ATP8B1: variants seen among roughly 807,000 people sequenced by gnomAD.
ATP8B1 encodes ATPase phospholipid transporting 8B1, also known as phospholipid-transporting ATPase IC.
ATP8B1 carries 80 observed loss-of-function variants against 149.9 expected under a neutral mutation model. The observed-to-expected ratio is 0.53, with a 90% CI of 0.45 to 0.64. The LOEUF is 0.64. ATP8B1 is among the 30% of genes least tolerant of loss of function. ATP8B1 has a pLI of 0.00. For synonymous variants in ATP8B1, 536 were observed against 562.8 expected (o/e 0.95, Z 0.67); for missense variants, 1,247 against 1,552.6 (o/e 0.80, Z 3.31).
intron 13 of ATP8B1, among the ~76,000 whole-genome samples, 181 bp downstream of exon 13, chr18:57,688,118 A>G (rs1460021566): frequency 6.6e-6 from 1 of 152,104 alleles, no homozygotes; most frequent in Non-Finnish European, 1.5e-5. Context: ...TCTCCCACGC[A>G]TGTGTCCCCA....
intron 1 of ATP8B1, among the ~76,000 whole-genome samples, chr18:57,778,103 G>A (rs1288875951): frequency 2.0e-5 from 3 of 152,222 alleles, no homozygotes; most frequent in East Asian, 1.9e-4. Context: ...ACATGCAAGC[G>A]GCAACTTTAA....
At chr18:57,796,900 C>G (rs2080520773) in intron 1 of ATP8B1, among the ~76,000 whole-genome samples, 1 of 152,214 alleles carries the variant, frequency 6.6e-6, no homozygotes, top group African/African-American at 2.4e-5. Context: ...ATCTGCCTGC[C>G]TTGTCTTCCC....
chr18:57,727,591 C>T (rs1251438217), intron 2 of ATP8B1, among the ~76,000 whole-genome samples: 1 of 152,026 alleles, frequency 6.6e-6, no homozygotes, highest in Non-Finnish European at 1.5e-5. Context: ...GAGATCGAGA[C>T]CATCCTGGCC....
chr18:57,681,082 A>T (rs1217567314), intron 15 of ATP8B1, among the ~76,000 whole-genome samples: 2 of 152,186 alleles, frequency 1.3e-5, no homozygotes. Context: ...TAGATTATCC[A>T]GGTGTTCCTG....
intron 4 of ATP8B1, among the ~76,000 whole-genome samples, chr18:57,704,124 G>T (rs1486896138): frequency 6.6e-6 from 1 of 151,926 alleles, no homozygotes; most frequent in African/African-American, 2.4e-5. Flanking sequence ...GCACCATCAC[G>T]CCTGGCTAAT....
intron 13 of ATP8B1, among the ~76,000 whole-genome samples, chr18:57,685,566 CTTAATA>C (rs1423762850): frequency 6.6e-6 from 1 of 151,778 alleles, no homozygotes; most frequent in African/African-American, 2.4e-5. Context: ...TAGTATTAGC[CTTAATA>C]TTATCTCTAA....
intron 1 of ATP8B1, among the ~76,000 whole-genome samples, chr18:57,782,803 C>CTTTTTTTTTTTTTTTTTTTTTTTTTT (rs79009229): frequency 1.1e-5 from 1 of 91,178 alleles, no homozygotes; most frequent in African/African-American, 4.9e-5. Context: ...TAGTTTGTCT[C>CTTTTTTTTTTTTTTTTTTTTTTTTTT]TTTTTTTTTT....
intron 1 of ATP8B1, among the ~76,000 whole-genome samples, chr18:57,794,809 A>AAAGG (rs2080496530): frequency 6.6e-6 from 1 of 151,308 alleles, no homozygotes; most frequent in African/African-American, 2.4e-5. Context: ...AGAAAGAAAG[A>AAAGG]AAGAAAGAAA....
At chr18:57,672,828 T>A (rs1911285020) in intron 16 of ATP8B1, among the ~76,000 whole-genome samples, 1 of 129,718 alleles carries the variant, frequency 7.7e-6, no homozygotes, top group South Asian at 2.4e-4. Context: ...ATAGCACCAT[T>A]GCACTTCAGC....
At chr18:57,748,731 T>C (rs1485807991) in intron 1 of ATP8B1, among the ~76,000 whole-genome samples, 2 of 152,266 alleles carry the variant, frequency 1.3e-5, no homozygotes, top group Admixed American at 6.5e-5. Flanking sequence ...TAACAAGTTA[T>C]ATAAATAAGA....
chr18:57,800,714 C>T (rs1161212033), intron 1 of ATP8B1, among the ~76,000 whole-genome samples: 1 of 152,024 alleles, frequency 6.6e-6, no homozygotes, highest in East Asian at 1.9e-4. Flanking sequence ...ATATCTTTTC[C>T]CCTCAACAGA....
At position 57,762,876 on chromosome 18, in the gene ATP8B1, C is replaced by T. The variant is rs1156374479; in HGVS notation, c.-25-31044G>A. On this transcript the variant is annotated intron_variant, in intron 1 of 27. Coordinates refer to ENST00000648908, the MANE Select transcript of ATP8B1 (RefSeq NM_001374385.1). ...GTAGTAATTCAAGGCTGTGTCTTTACAGCCTTGAACAATCTTTTAAAAATC... is the reference window on the plus strand; with the variant it reads ...GTAGTAATTCAAGGCTGTGTCTTTATAGCCTTGAACAATCTTTTAAAAATC... 2.0e-5 allele frequency among the ~76,000 whole-genome samples: 3 copies of T among 152,166 alleles called. No homozygotes were observed. The East Asian group carries it at 5.8e-4, about 29-fold the overall frequency.
intron 15 of ATP8B1, among the ~76,000 whole-genome samples, chr18:57,680,678 A>G (rs1911917147): frequency 8.1e-6 from 1 of 123,762 alleles, no homozygotes; most frequent in South Asian, 2.5e-4. Flanking sequence ...TTTTCTCCTC[A>G]ATCCTCTCAC....
intron 15 of ATP8B1, among the ~76,000 whole-genome samples, chr18:57,683,342 T>C (rs1325841897): frequency 6.6e-6 from 1 of 152,248 alleles, no homozygotes; most frequent in African/African-American, 2.4e-5. Context: ...TTGCTCTTTC[T>C]ATAAAGTGCA....
intron 14 of ATP8B1, among the ~76,000 whole-genome samples, chr18:57,684,570 C>T (rs937099477): frequency 1.3e-5 from 2 of 152,004 alleles, no homozygotes; most frequent in Non-Finnish European, 2.9e-5. Flanking sequence ...TCTCTGGTCT[C>T]AAACTCCTTG....
chr18:57,777,060 T>C (rs2080312009), intron 1 of ATP8B1, among the ~76,000 whole-genome samples: 1 of 151,934 alleles, frequency 6.6e-6, no homozygotes. Flanking sequence ...CACTGCAGCC[T>C]TGACCTCTTG....
intron 1 of ATP8B1, among the ~76,000 whole-genome samples, chr18:57,788,655 C>A (rs1333317165): frequency 3.2e-4 from 49 of 152,182 alleles, no homozygotes. Context: ...CCTGGCACCA[C>A]CCACTCCCCC....
rs578006096 is a variant in ATP8B1, at chr18:57,738,150, G to A, written c.-25-6318C>T. On this transcript the variant is annotated intron_variant, in intron 1 of 27. Coordinates refer to ENST00000648908, the MANE Select transcript of ATP8B1 (RefSeq NM_001374385.1). ...TCCCTAAGGTCAGGTGCTGTGTATG[G>A]TATGGATTTGGAAACTTCATAATGT... 7 of 152,306 alleles carry A rather than the reference G, an allele frequency of 4.6e-5. No homozygotes were observed. The South Asian group carries it at 1.4e-3, about 32-fold the overall frequency. The allele number at this position is 152,306 out of a possible 1,614,324, so 9.4% of individuals were successfully genotyped here. A position where few individuals can be genotyped will look rare whatever the true frequency, so the allele number is the denominator to read the frequency against.
At position 57,648,586 on chromosome 18, in the gene ATP8B1, G is replaced by C. The variant is rs1321795480; in HGVS notation, c.3658C>G (p.Leu1220Val). 6.2e-7 allele frequency: 1 copy of C among 1,611,206 alleles called. No individual in the cohort carries two copies. The highest frequency in any genetic ancestry group is 8.5e-7 in the Non-Finnish European group (1 of 1,179,876). ...CGGATGCTGCGCCCGGAGGAGATGA[G>C]GTCCGCGTAGCCCCGCTGGTGCGAG... is the stretch of plus-strand genomic sequence containing the variant. ...AFSHQRGYAD[L>V]ISSGRSIRKK... Residue 1220 changes from leucine (L) to valine (V), a missense_variant, in exon 28 of 28, where the codon CTC becomes GTC. Leu to Val is a conservative substitution (Grantham distance 32, BLOSUM62 1). This residue lies in a region of ATP8B1 where 164 missense variants were observed against 160.3 expected (regional missense o/e 1.02). Transcript: ENST00000648908.
Sources: gnomAD v4.1 joint callset for allele counts (sites outside exome capture counted in the v4.1 genomes callset) on GRCh38, gnomAD v4.1.1 for gene constraint, gnomAD v4.1.1 regional missense constraint, MANE v1.5 for transcripts, NCBI Gene and HGNC (gene_info 2026-07-23, HGNC 2026-07-21) for gene names.